Variants in FBXW11 observed in about 807,000 individuals in gnomAD.
FBXW11 encodes the protein F-box and WD repeat domain containing 11, also known as F-box/WD repeat-containing protein 11.
Under a neutral mutation model 77.6 loss-of-function variants are expected in FBXW11, and 19 were observed. The ratio of observed to expected loss-of-function variants is 0.24; its 90% confidence interval spans 0.17 to 0.36. The LOEUF (loss-of-function observed/expected upper bound fraction) is 0.36. Ranked by LOEUF, FBXW11 falls within the 10% of genes least tolerant of loss-of-function variation. The probability of loss-of-function intolerance (pLI) is 1.00; values close to 1 mark genes in which losing one functional copy is unlikely to be tolerated. For synonymous variants in FBXW11, 235 were observed against 249.4 expected, an observed-to-expected ratio of 0.94 and a Z score of 0.54; for missense variants, 334 against 704.2, an observed-to-expected ratio of 0.47 and a Z score of 5.95.
At chr5:171,901,115 T>C (rs1436604391) in intron 4 of FBXW11, among the ~76,000 whole-genome samples, 2 of 152,224 alleles carry the variant, frequency 1.3e-5, no homozygotes, top group Non-Finnish European at 2.9e-5. Flanking sequence ...GAAACATCCC[T>C]GTGCCTTGAA....
At chr5:171,979,042 G>A (rs1765002162) in intron 1 of FBXW11, among the ~76,000 whole-genome samples, 1 of 152,058 alleles carries the variant, frequency 6.6e-6, no homozygotes, top group Admixed American at 6.6e-5. Context: ...TAAGAACAGT[G>A]GGTAAAACCT....
intron 13 of FBXW11, chr5:171,867,717 A>C (rs569492339): frequency 6.6e-6 from 1 of 152,362 alleles, no homozygotes; most frequent in African/African-American, 2.4e-5. Flanking sequence ...ATACTTTTGA[A>C]ATTCAATGAA....
intron 1 of FBXW11, among the ~76,000 whole-genome samples, chr5:171,976,142 G>C (rs1764816728): frequency 6.6e-6 from 1 of 152,170 alleles, no homozygotes; most frequent in South Asian, 2.1e-4. Flanking sequence ...GATAGTTGAA[G>C]TAACAGTGAG....
intron 2 of FBXW11, among the ~76,000 whole-genome samples, chr5:171,952,445 A>ATT (rs1206783053): frequency 8.3e-4 from 8 of 9,594 alleles, no homozygotes; most frequent in African/African-American, 1.9e-3. Context: ...ATATATATAT[A>ATT]TATTTTTTTT....
At chr5:171,985,017 A>ATAGTCTGATTTACAT (rs948333299) in intron 1 of FBXW11, among the ~76,000 whole-genome samples, 1 of 152,246 alleles carries the variant, frequency 6.6e-6, no homozygotes, top group Non-Finnish European at 1.5e-5. Context: ...GACTCTCTTA[A>ATAGTCTGATTTACAT]TAGTCTGATT....
At chr5:171,884,348 G>T (rs537142595) in intron 7 of FBXW11, among the ~76,000 whole-genome samples, 1 of 152,202 alleles carries the variant, frequency 6.6e-6, no homozygotes, top group East Asian at 1.9e-4. Context: ...TCAGTTGGCT[G>T]TAAGTATTTG....
chr5:171,936,677 A>T (rs1406859398), intron 2 of FBXW11, among the ~76,000 whole-genome samples: 3 of 152,206 alleles, frequency 2.0e-5, no homozygotes, highest in African/African-American at 7.2e-5. Flanking sequence ...CACTATACAC[A>T]CTACTCTCAC....
chr5:171,949,395 T>C (rs751652525), intron 2 of FBXW11, among the ~76,000 whole-genome samples: 18 of 152,212 alleles, frequency 1.2e-4, no homozygotes, highest in Non-Finnish European at 2.2e-4. Context: ...ATTCACAGCA[T>C]ATAGGAAAAT....
chr5:171,962,578 G>A (rs1202812672), intron 1 of FBXW11, among the ~76,000 whole-genome samples: 2 of 152,050 alleles, frequency 1.3e-5, no homozygotes, highest in Admixed American at 1.3e-4. Context: ...AACCTAAATC[G>A]AAACCATTAT....
intron 2 of FBXW11, among the ~76,000 whole-genome samples, chr5:171,932,722 C>T (rs1762277397): frequency 6.6e-6 from 1 of 151,942 alleles, no homozygotes; most frequent in African/African-American, 2.4e-5. Flanking sequence ...GAAGTGAAAA[C>T]TAATATCCAC....
chr5:171,944,835 AAAG>A (rs1482214985), intron 2 of FBXW11, among the ~76,000 whole-genome samples: 2 of 152,208 alleles, frequency 1.3e-5, no homozygotes, highest in African/African-American at 4.8e-5. Context: ...GAATTCAAAG[AAAG>A]AAGTCCAAAG....
At chr5:172,000,861 C>T (rs141821925) in intron 1 of FBXW11, among the ~76,000 whole-genome samples, 1 of 152,316 alleles carries the variant, frequency 6.6e-6, no homozygotes, top group East Asian at 1.9e-4. Flanking sequence ...TGTTTCACTT[C>T]AAAGCCCATG....
intron 7 of FBXW11, 38 bp downstream of exon 7, chr5:171,891,429 G>A (rs369340118): frequency 4.5e-6 from 7 of 1,546,148 alleles, no homozygotes; most frequent in African/African-American, 1.4e-5. Context: ...ACATAGCCAC[G>A]ATTCTAAAAA....
chr5:171,952,447 A>ATATATATATATATATTTTT, intron 2 of FBXW11, among the ~76,000 whole-genome samples: 3 of 6,948 alleles, frequency 4.3e-4, no homozygotes, highest in African/African-American at 6.8e-4. Context: ...ATATATATAT[A>ATATATATATATATATTTTT]TTTTTTTTTT....
chr5:171,870,902 G>A (rs1474727153), intron 10 of FBXW11, 44 bp from the exon 11 acceptor site: 10 of 1,373,758 alleles, frequency 7.3e-6, no homozygotes, highest in South Asian at 1.2e-5. Context: ...TCCCACACAC[G>A]ATTCACACTA....
At chr5:171,974,656 C>T (rs985971236) in intron 1 of FBXW11, among the ~76,000 whole-genome samples, 3 of 152,078 alleles carry the variant, frequency 2.0e-5, no homozygotes, top group African/African-American at 7.2e-5. Context: ...GAGTTAGAGG[C>T]TGCAGTGTGC....
chr5:171,915,904 C>T (rs1243966309), intron 2 of FBXW11, among the ~76,000 whole-genome samples: 2 of 152,030 alleles, frequency 1.3e-5, no homozygotes, highest in East Asian at 3.9e-4. Context: ...GAATACTATG[C>T]AGCCATAAAG....
At chr5:171,940,083 A>T (rs1258804457) in intron 2 of FBXW11, among the ~76,000 whole-genome samples, 1 of 152,044 alleles carries the variant, frequency 6.6e-6, no homozygotes, top group Non-Finnish European at 1.5e-5. Context: ...AATATTTTCA[A>T]TCCTAGGTTG....
chr5:171,941,590 T>C (rs1481127142), intron 2 of FBXW11, among the ~76,000 whole-genome samples: 1 of 151,396 alleles, frequency 6.6e-6, no homozygotes, highest in Non-Finnish European at 1.5e-5. Context: ...TCCTCCTTTG[T>C]AGGAAATACA....
Sources: allele counts gnomAD v4.1 joint callset (sites outside exome capture counted in the v4.1 genomes callset), GRCh38; gene constraint gnomAD v4.1.1; transcripts MANE v1.5; gene names NCBI Gene and HGNC (gene_info 2026-07-23, HGNC 2026-07-21).